Variants in PDCD10 observed in about 807,000 individuals in gnomAD.
PDCD10 encodes programmed cell death 10, also known as programmed cell death protein 10.
A neutral mutation model predicts 29.2 loss-of-function variants in PDCD10; 4 were observed. The observed-to-expected ratio is 0.14, with a 90% CI of 0.07 to 0.31. PDCD10 has a LOEUF of 0.31. Ranked by LOEUF, PDCD10 falls within the 10% of genes least tolerant of loss-of-function variation. The pLI is 1.00. For synonymous variants in PDCD10, 70 were observed against 82.2 expected (o/e 0.85, Z 0.80); for missense variants, 183 against 257.9 (o/e 0.71, Z 1.99).
In PDCD10 at chr3:167,692,724, C is replaced by T. The variant is rs1449378543; in HGVS notation, c.395+2872G>A. ...ACAAGGTCAAGAGATCGAGACCATCCTGGCTAACACAGTGAAACCCCATCT... is the reference window on the plus strand; with the variant it reads ...ACAAGGTCAAGAGATCGAGACCATCTTGGCTAACACAGTGAAACCCCATCT... On this transcript the variant is annotated intron_variant, in intron 6 of 8. Transcript: ENST00000392750. Among the ~76,000 whole-genome samples the T allele has an allele frequency of 3.9e-5, 6 of 152,318 alleles. No homozygotes were observed. The East Asian group carries it at 1.2e-3, about 29-fold the overall frequency.
intron 4 of PDCD10, among the ~76,000 whole-genome samples, chr3:167,702,274 C>T (rs546874429): frequency 6.6e-6 from 1 of 152,172 alleles, no homozygotes; most frequent in African/African-American, 2.4e-5. Flanking sequence ...TCTCTTCTTC[C>T]TCCTCCTCAG....
chr3:167,687,382 G>T, intron 7 of PDCD10, 66 bp from the exon 8 acceptor site: 1 of 984,448 alleles, frequency 1.0e-6, no homozygotes, highest in Non-Finnish European at 1.6e-6. Flanking sequence ...AAAGCCAAAG[G>T]CAAGGACAAG....
intron 4 of PDCD10, among the ~76,000 whole-genome samples, chr3:167,699,615 A>T (rs1486771968): frequency 6.6e-6 from 1 of 152,252 alleles, no homozygotes; most frequent in Non-Finnish European, 1.5e-5. Flanking sequence ...TGAACCCTGT[A>T]GGGTGTCTAA....
intron 4 of PDCD10, among the ~76,000 whole-genome samples, chr3:167,700,832 C>T (rs551057962): frequency 1.3e-5 from 2 of 152,300 alleles, no homozygotes; most frequent in South Asian, 2.1e-4. Context: ...TAAGTCCCCA[C>T]ACACCATTAA....
At position 167,687,333 on chromosome 3, in the gene PDCD10, T is replaced by C. The variant is rs1324503874; in HGVS notation, c.475-17A>G. The C allele has an allele frequency of 7.3e-7, 1 of 1,377,952 alleles. No homozygotes were observed. The highest frequency in any genetic ancestry group is 1.0e-6 in the Non-Finnish European group (1 of 966,012). 85.4% of individuals were successfully genotyped at this position (1,377,952 alleles called of 1,614,324 possible). On this transcript the variant is annotated splice_polypyrimidine_tract_variant and intron_variant, in intron 7 of 8. Coordinates refer to ENST00000392750, the MANE Select transcript of PDCD10 (RefSeq NM_007217.4). ...TTCAAGTGCCTACAGTCACAAAATA[T>C]AATAAGAAATAAAGTACTAAATAAG...
At chr3:167,731,163 A>G (rs563971903) in intron 2 of PDCD10, among the ~76,000 whole-genome samples, 1 of 152,288 alleles carries the variant, frequency 6.6e-6, no homozygotes, top group African/African-American at 2.4e-5. Flanking sequence ...ATAAAACAGT[A>G]TTAATACTAC....
rs766567278 is a variant in PDCD10 at position 167,687,304 on chromosome 3, G to C, written c.487C>G (p.Gln163Glu). The change falls in exon 8 of 9, where the codon CAA (glutamine) becomes GAA (glutamate). Residue 163 changes from glutamine (Q) to glutamate (E), a missense_variant. By Grantham distance (29) the Gln-to-Glu change is conservative. Transcript: ENST00000392750. ...QYQNRRALEH[Q>E]KKEFVKYSKS... is the part of the protein sequence containing the mutation. Reference sequence around the variant, plus strand: ...GAGTACTTTACAAATTCTTTCTTTTGGTGTTCAAGTGCCTACAGTCACAAA... The same window carrying C: ...GAGTACTTTACAAATTCTTTCTTTTCGTGTTCAAGTGCCTACAGTCACAAA... 6.3e-6 allele frequency: 10 copies of C among 1,578,234 alleles called. No individual in the cohort carries two copies. In the South Asian group the frequency reaches 1.1e-4, roughly 18 times the overall value.
chr3:167,708,573 A>C (rs1722228890), intron 3 of PDCD10, among the ~76,000 whole-genome samples: 1 of 152,226 alleles, frequency 6.6e-6, no homozygotes. Context: ...ACATCTCCTG[A>C]AATTCAAATA....
Position 167,692,107 on chromosome 3 carries a change from C to T in PDCD10, c.395+3489G>A, listed in dbSNP as rs181524867. Among the ~76,000 whole-genome samples the T allele has an allele frequency of 1.1e-4, 17 of 152,198 alleles. No individual in the cohort carries two copies. The East Asian group carries it at 1.7e-3, about 16-fold the overall frequency. ...GTGTCATGGCTCATCAACAAGTACA[C>T]GATTATCAAAGCAAATGAAAACTTA... On this transcript the variant is annotated intron_variant, in intron 6 of 8. Coordinates refer to ENST00000392750, the MANE Select transcript of PDCD10 (RefSeq NM_007217.4).
intron 4 of PDCD10, among the ~76,000 whole-genome samples, chr3:167,703,453 T>C (rs1466584100): frequency 6.6e-6 from 1 of 152,026 alleles, no homozygotes; most frequent in Non-Finnish European, 1.5e-5. Flanking sequence ...AGATACCTAG[T>C]GACATGACTT....
chr3:167,733,452 T>A (rs1036513880), intron 2 of PDCD10, among the ~76,000 whole-genome samples: 1 of 152,088 alleles, frequency 6.6e-6, no homozygotes, highest in African/African-American at 2.4e-5. Flanking sequence ...CAATGTAAAG[T>A]AAGAATGAAT....
chr3:167,706,251 C>T (rs568609393), intron 3 of PDCD10, among the ~76,000 whole-genome samples: 1 of 152,326 alleles, frequency 6.6e-6, no homozygotes, highest in Non-Finnish European at 1.5e-5. Flanking sequence ...CAGACATATA[C>T]TAAATCAAAA....
chr3:167,706,390 T>C (rs999628101), intron 3 of PDCD10, among the ~76,000 whole-genome samples: 2 of 152,220 alleles, frequency 1.3e-5, no homozygotes, highest in African/African-American at 4.8e-5. Flanking sequence ...GATTTCATCA[T>C]TATGTGGACA....
rs565154432 is a variant in PDCD10, at chr3:167,720,223, T to C, written c.-66A>G. On this transcript the variant is annotated 5_prime_UTR_variant, in exon 3 of 9. Transcript: ENST00000392750. ...AGAGGAATCTTCATTCACTGCAATA[T>C]TTCTTCTCTTTTTTGGTGATAAAAG... 2 of 1,014,956 alleles carry C rather than the reference T, an allele frequency of 2.0e-6. No individual in the cohort carries two copies. Among genetic ancestry groups the C allele is most frequent in the South Asian group, 2.6e-5 (2 of 77,988 alleles). The allele number at this position is 1,014,956 out of a possible 1,614,324, so 62.9% of individuals were successfully genotyped here.
chr3:167,693,384 T>C lies in PDCD10; in HGVS notation c.395+2212A>G, dbSNP rs140851633. 3.6e-3 allele frequency among the ~76,000 whole-genome samples: 554 copies of C among 152,324 alleles called. 2 individuals carry two copies. Among genetic ancestry groups the C allele is most frequent in the Middle Eastern group, 6.8e-3 (2 of 294 alleles). On this transcript the variant is annotated intron_variant, in intron 6 of 8. Coordinates refer to ENST00000392750, the MANE Select transcript of PDCD10 (RefSeq NM_007217.4). ...TTCCAGTGACTTTCCAGCTTACAAC[T>C]GAGGCAAAATTACCTTAAAAGGCTA...
intron 2 of PDCD10, among the ~76,000 whole-genome samples, chr3:167,729,167 CATAT>C (rs1435060643): frequency 6.6e-6 from 1 of 152,056 alleles, no homozygotes; most frequent in East Asian, 1.9e-4. Context: ...TTATAATATA[CATAT>C]TTCTTTTTTC....
chr3:167,693,011 A>T (rs1386817056), intron 6 of PDCD10, among the ~76,000 whole-genome samples: 1 of 152,202 alleles, frequency 6.6e-6, no homozygotes, highest in Non-Finnish European at 1.5e-5. Flanking sequence ...AGCCTTTTTT[A>T]TATTCCTGGC....
At chr3:167,703,433 A>C (rs1721644764) in intron 4 of PDCD10, among the ~76,000 whole-genome samples, 1 of 152,118 alleles carries the variant, frequency 6.6e-6, no homozygotes, top group Non-Finnish European at 1.5e-5. Flanking sequence ...TAGATTATTA[A>C]AGTAATATGA....
intron 4 of PDCD10, among the ~76,000 whole-genome samples, chr3:167,701,140 C>G (rs952412500): frequency 6.6e-6 from 1 of 152,070 alleles, no homozygotes; most frequent in African/African-American, 2.4e-5. Flanking sequence ...CAAAGAGAAC[C>G]CTTGTTCTAG....
Sources: gnomAD v4.1 joint callset for allele counts (sites outside exome capture counted in the v4.1 genomes callset) on GRCh38, gnomAD v4.1.1 for gene constraint, MANE v1.5 for transcripts, NCBI Gene and HGNC (gene_info 2026-07-23, HGNC 2026-07-21) for gene names.